PTPRO: variants seen among roughly 807,000 people sequenced by gnomAD.
PTPRO encodes the protein receptor-type tyrosine-protein phosphatase O.
In PTPRO, 62 loss-of-function variants were observed where a neutral mutation model predicts 145.2. That is an observed-to-expected ratio of 0.43 (90% CI 0.35 to 0.53). The LOEUF is 0.53. PTPRO is among the 20% of genes least tolerant of loss of function. The pLI, the probability that PTPRO is intolerant of heterozygous loss-of-function variation, is 0.01. For synonymous variants in PTPRO, 565 were observed against 514.7 expected, an observed-to-expected ratio of 1.10 and a Z score of -1.32; for missense variants, 1,345 against 1,482.7, an observed-to-expected ratio of 0.91 and a Z score of 1.53.
chr12:15,437,168 G>A (rs12426153), intron 1 of PTPRO, among the ~76,000 whole-genome samples: 1,825 of 151,778 alleles, frequency 0.012, 89 homozygotes, highest in Admixed American at 0.099. Context: ...CATTCAGAGC[G>A]CTCATTCACC....
At chr12:15,356,738 T>C (rs1414215270) in intron 1 of PTPRO, among the ~76,000 whole-genome samples, 4 of 152,358 alleles carry the variant, frequency 2.6e-5, no homozygotes, top group Admixed American at 2.6e-4. Context: ...TTTATATGGA[T>C]GAAATAGGAT....
chr12:15,396,977 A>G (rs1447307732), intron 1 of PTPRO, among the ~76,000 whole-genome samples: 1 of 152,034 alleles, frequency 6.6e-6, no homozygotes, highest in Non-Finnish European at 1.5e-5. Flanking sequence ...GAGCTTCACC[A>G]TTTTTTGACA....
rs773632844 is a variant in PTPRO at position 15,508,533 on chromosome 12, C to T, written c.1268-38C>T. The stretch of plus-strand genomic sequence containing the variant: ...GAATCTTTTATCTCAATCAGTGTAA[C>T]GTGCAGCCTCCCCTGTGTTCCAATT... On this transcript the variant is annotated intron_variant, in intron 6 of 26. Transcript: ENST00000281171. The T allele has an allele frequency of 8.1e-5, 128 of 1,578,964 alleles. 1 individual carries two copies. In the East Asian group the frequency reaches 1.9e-3, roughly 24 times the overall value.
chr12:15,355,830 A>G (rs768552365), intron 1 of PTPRO, among the ~76,000 whole-genome samples: 1 of 152,256 alleles, frequency 6.6e-6, no homozygotes, highest in African/African-American at 2.4e-5. Context: ...ATAACAAAAA[A>G]GTATCTATTC....
rs11056451 is a variant in PTPRO at position 15,361,382 on chromosome 12, T to C, written c.75+38581T>C. Among the ~76,000 whole-genome samples the C allele has an allele frequency of 7.1e-3, 991 of 138,974 alleles. 87 individuals are homozygous for C. The East Asian group carries it at 0.19, about 26-fold the overall frequency. The allele number at this position is 138,974 out of a possible 152,430, so 91.2% of individuals were successfully genotyped here. The stretch of plus-strand genomic sequence containing the variant: ...TGAACCTGGGAGGCGAAGGTTGCAG[T>C]GAGCCGAGATTTCACTACTGCACTC... On this transcript the variant is annotated intron_variant, in intron 1 of 26. Transcript: ENST00000281171.
chr12:15,578,982 AG>A (rs1298295862), intron 20 of PTPRO, 39 bp downstream of exon 20: 1 of 1,475,248 alleles, frequency 6.8e-7, no homozygotes, highest in Admixed American at 1.7e-5. Context: ...TCATGTCTTA[AG>A]GGTTGAAGGA....
intron 2 of PTPRO, among the ~76,000 whole-genome samples, chr12:15,487,769 T>G (rs912453852): frequency 1.3e-5 from 2 of 152,208 alleles, no homozygotes; most frequent in African/African-American, 4.8e-5. Context: ...ATGTTCTATG[T>G]CCATATTGTC....
chr12:15,331,882 G>A (rs1355695595), intron 1 of PTPRO, among the ~76,000 whole-genome samples: 1 of 150,736 alleles, frequency 6.6e-6, no homozygotes, highest in Non-Finnish European at 1.5e-5. Flanking sequence ...AACACGTATT[G>A]TATCTTCCAC....
At chr12:15,532,932 T>C (rs1393437913) in intron 12 of PTPRO, among the ~76,000 whole-genome samples, 1 of 152,198 alleles carries the variant, frequency 6.6e-6, no homozygotes, top group Non-Finnish European at 1.5e-5. Context: ...TCCAACTCAT[T>C]TGGTTTTTCA....
chr12:15,470,186 T>C (rs1257627640), intron 1 of PTPRO, among the ~76,000 whole-genome samples: 1 of 152,196 alleles, frequency 6.6e-6, no homozygotes, highest in Non-Finnish European at 1.5e-5. Flanking sequence ...ATATGAAAGG[T>C]AGCATTTGGG....
rs150737141 is a variant in PTPRO at position 15,490,829 on chromosome 12, A to C, written c.350-6416A>C. 3.2e-3 allele frequency among the ~76,000 whole-genome samples: 494 copies of C among 152,338 alleles called. 1 individual carries two copies. The highest frequency in any genetic ancestry group is 0.011 in the African/African-American group (470 of 41,586). On this transcript the variant is annotated intron_variant, in intron 2 of 26. Transcript: ENST00000281171. Reference sequence around the variant, plus strand: ...ATTGGGCAGGGAAATATCAGTGAGAAGGAGGTGACTGGTTTAGGACAAAGA... The same window carrying C: ...ATTGGGCAGGGAAATATCAGTGAGACGGAGGTGACTGGTTTAGGACAAAGA...
intron 1 of PTPRO, among the ~76,000 whole-genome samples, chr12:15,340,272 C>T (rs552243169): frequency 6.6e-6 from 1 of 152,318 alleles, no homozygotes; most frequent in Non-Finnish European, 1.5e-5. Context: ...ACATACCATA[C>T]TACTTTGTGT....
At chr12:15,584,408 A>G (rs1002514406) in intron 23 of PTPRO, among the ~76,000 whole-genome samples, 7 of 152,222 alleles carry the variant, frequency 4.6e-5, no homozygotes, top group African/African-American at 1.7e-4. Flanking sequence ...AGTAGAAAAA[A>G]TTTCAGAGCA....
chr12:15,487,389 G>A (rs564687219), intron 2 of PTPRO, among the ~76,000 whole-genome samples: 25 of 152,196 alleles, frequency 1.6e-4, no homozygotes, highest in African/African-American at 5.3e-4. Context: ...AGGAACAGGC[G>A]TCTTTTGTTT....
At chr12:15,558,435 T>G (rs771827923) in intron 16 of PTPRO, among the ~76,000 whole-genome samples, 1 of 152,210 alleles carries the variant, frequency 6.6e-6, no homozygotes, top group Non-Finnish European at 1.5e-5. Context: ...AGTGTTCGAA[T>G]TTTAAAGAGC....
intron 1 of PTPRO, among the ~76,000 whole-genome samples, chr12:15,376,509 A>C (rs1431552196): frequency 6.6e-6 from 1 of 152,202 alleles, no homozygotes; most frequent in Non-Finnish European, 1.5e-5. Context: ...GATTCACGTG[A>C]TGAAATACAG....
At chr12:15,437,061 T>C (rs1430605680) in intron 1 of PTPRO, among the ~76,000 whole-genome samples, 1 of 151,872 alleles carries the variant, frequency 6.6e-6, no homozygotes, top group Non-Finnish European at 1.5e-5. Flanking sequence ...GAACACCTGC[T>C]TGCCTGGACC....
In PTPRO at chr12:15,560,362, C is replaced by G. The variant is rs533029818; in HGVS notation, c.2711+86C>G. Reference sequence around the variant, plus strand: ...AACAAAAAGGAAAGTTTCTTTTTAACTATTTTGTATGTTCAGTAACATCTA... The same window carrying G: ...AACAAAAAGGAAAGTTTCTTTTTAAGTATTTTGTATGTTCAGTAACATCTA... On this transcript the variant is annotated intron_variant, in intron 17 of 26. Transcript: ENST00000281171. 6.6e-6 allele frequency: 7 copies of G among 1,057,632 alleles called. No individual in the cohort carries two copies. In the Admixed American group the frequency reaches 1.3e-4, roughly 19 times the overall value. The allele number at this position is 1,057,632 out of a possible 1,614,324, so 65.5% of individuals were successfully genotyped here.
chr12:15,398,933 G>T (rs562086170), intron 1 of PTPRO, among the ~76,000 whole-genome samples: 27 of 152,166 alleles, frequency 1.8e-4, no homozygotes, highest in Admixed American at 4.6e-4. Flanking sequence ...CATCAGAGCT[G>T]CTCCACAATG....
Sources: allele counts gnomAD v4.1 joint callset (sites outside exome capture counted in the v4.1 genomes callset), GRCh38; gene constraint gnomAD v4.1.1; transcripts MANE v1.5; gene names NCBI Gene and HGNC (gene_info 2026-07-23, HGNC 2026-07-21).